RFC3: variants seen among roughly 807,000 people sequenced by gnomAD.
RFC3 encodes replication factor C subunit 3.
RFC3 carries 41 observed loss-of-function variants against 45.1 expected under a neutral mutation model. That is an observed-to-expected ratio of 0.91 (90% CI 0.71 to 1.18). The LOEUF is 1.18. RFC3 is among the 50% of genes most tolerant of loss of function. The pLI is 0.00. For synonymous variants in RFC3, 149 were observed against 144.0 expected (o/e 1.03, Z -0.25); for missense variants, 423 against 428.1 (o/e 0.99, Z 0.10).
chr13:33,948,538 A>T (rs1275956222), intron 8 of RFC3, among the ~76,000 whole-genome samples: 1 of 152,198 alleles, frequency 6.6e-6, no homozygotes, highest in African/African-American at 2.4e-5. Flanking sequence ...ACTGCCCTCC[A>T]GACCCCAGAA....
intron 8 of RFC3, among the ~76,000 whole-genome samples, chr13:33,853,721 T>G (rs530637515): frequency 1.6e-4 from 24 of 152,270 alleles, no homozygotes; most frequent in Admixed American, 1.3e-3. Flanking sequence ...AATACATGTT[T>G]GTTGTTACTA....
intron 8 of RFC3, among the ~76,000 whole-genome samples, chr13:33,936,607 T>C (rs1262425534): frequency 2.0e-5 from 3 of 152,120 alleles, no homozygotes; most frequent in Non-Finnish European, 4.4e-5. Context: ...AAGCAGAGAC[T>C]GGGGTGATGC....
intron 7 of RFC3, 40 bp from the exon 8 acceptor site, chr13:33,835,106 CTT>C (rs2082140936): frequency 3.0e-6 from 4 of 1,350,882 alleles, no homozygotes; most frequent in African/African-American, 2.9e-5. Flanking sequence ...AAAATTACCT[CTT>C]ATTTTCTTCA....
chr13:33,967,961 C>T (rs952527517), downstream of RFC3, among the ~76,000 whole-genome samples: 1 of 152,170 alleles, frequency 6.6e-6, no homozygotes, highest in Non-Finnish European at 1.5e-5. Flanking sequence ...TTGACAAATT[C>T]TCTGCTAGGG....
At chr13:33,951,854 A>G (rs1030198506) in intron 8 of RFC3, among the ~76,000 whole-genome samples, 12 of 152,234 alleles carry the variant, frequency 7.9e-5, no homozygotes, top group African/African-American at 2.9e-4. Context: ...TTCCACAATA[A>G]TCATGAAAGG....
intron 8 of RFC3, among the ~76,000 whole-genome samples, chr13:33,903,272 A>G (rs9592105): frequency 0.014 from 2,067 of 152,166 alleles, 45 homozygotes; most frequent in African/African-American, 0.048. Flanking sequence ...TGTGGTATAA[A>G]TACTCCTAGA....
intron 8 of RFC3, among the ~76,000 whole-genome samples, chr13:33,938,184 C>CAAA (rs34685731): frequency 0.23 from 16,099 of 69,350 alleles, 1,529 homozygotes; most frequent in East Asian, 0.44. Flanking sequence ...AGTCCAACTG[C>CAAA]AAAAAAAAAA....
chr13:33,950,562 G>A (rs1359718781), intron 8 of RFC3, among the ~76,000 whole-genome samples: 1 of 152,092 alleles, frequency 6.6e-6, no homozygotes. Context: ...TTGATAATTT[G>A]GGCTTGCCCC....
intron 8 of RFC3, among the ~76,000 whole-genome samples, chr13:33,872,750 C>A (rs2082419084): frequency 7.2e-6 from 1 of 138,334 alleles, no homozygotes; most frequent in Non-Finnish European, 1.5e-5. Context: ...AAACAAACAA[C>A]AAAATGAAAA....
chr13:33,906,781 G>C (rs1165988704), intron 8 of RFC3, among the ~76,000 whole-genome samples: 2 of 151,994 alleles, frequency 1.3e-5, no homozygotes, highest in South Asian at 2.1e-4. Context: ...AGGGCCAAAT[G>C]GTATTAAAAT....
chr13:33,909,053 G>A (rs1197161836), intron 8 of RFC3, among the ~76,000 whole-genome samples: 1 of 151,984 alleles, frequency 6.6e-6, no homozygotes, highest in African/African-American at 2.4e-5. Context: ...TCTCCCAAAT[G>A]TCTGGGTACC....
intron 8 of RFC3, among the ~76,000 whole-genome samples, chr13:33,889,290 G>A (rs1405892576): frequency 6.6e-6 from 1 of 152,156 alleles, no homozygotes; most frequent in African/African-American, 2.4e-5. Context: ...AACCAACAGG[G>A]CTGGGCTAGT....
chr13:33,848,433 G>C (rs1010979407), intron 8 of RFC3: 1 of 152,146 alleles, frequency 6.6e-6, no homozygotes, highest in African/African-American at 2.4e-5. Flanking sequence ...CAGACATGAG[G>C]TGCTTTTCCT....
chr13:33,895,358 T>A (rs1301914556), intron 8 of RFC3, among the ~76,000 whole-genome samples: 1 of 152,080 alleles, frequency 6.6e-6, no homozygotes, highest in Non-Finnish European at 1.5e-5. Context: ...CAAAAGAAGA[T>A]GTACAAATGG....
intron 4 of RFC3, among the ~76,000 whole-genome samples, chr13:33,828,117 C>T (rs1005672372): frequency 6.6e-6 from 1 of 152,032 alleles, no homozygotes; most frequent in Non-Finnish European, 1.5e-5. Context: ...TACTGCACTC[C>T]CGCCTGGGTG....
chr13:33,882,928 T>C (rs1352655242), intron 8 of RFC3, among the ~76,000 whole-genome samples: 1 of 152,246 alleles, frequency 6.6e-6, no homozygotes, highest in East Asian at 1.9e-4. Flanking sequence ...TCCAAGTTGA[T>C]GTTTGTGTCC....
chr13:33,942,750 C>T (rs1361020856), intron 8 of RFC3, among the ~76,000 whole-genome samples: 1 of 152,120 alleles, frequency 6.6e-6, no homozygotes, highest in Non-Finnish European at 1.5e-5. Flanking sequence ...GGGTAATTAA[C>T]ATCTTATTTT....
the RFC3 span, among the ~76,000 whole-genome samples, chr13:33,974,234 G>A: frequency 6.6e-6 from 1 of 152,132 alleles, no homozygotes; most frequent in Non-Finnish European, 1.5e-5. Flanking sequence ...AAATAAGTTA[G>A]CACATGATAT....
intron 8 of RFC3, among the ~76,000 whole-genome samples, chr13:33,863,805 A>G (rs1337526984): frequency 6.6e-6 from 1 of 152,012 alleles, no homozygotes; most frequent in African/African-American, 2.4e-5. Flanking sequence ...GATCTTGCCA[A>G]TTTTCAGAGT....
Sources: allele counts gnomAD v4.1 joint callset (sites outside exome capture counted in the v4.1 genomes callset), GRCh38; gene constraint gnomAD v4.1.1; transcripts MANE v1.5; gene names NCBI Gene and HGNC (gene_info 2026-07-23, HGNC 2026-07-21).